Variants in TENM2 observed in about 807,000 individuals in gnomAD.
TENM2 encodes the protein teneurin transmembrane protein 2, also known as teneurin-2.
Under a neutral mutation model 245.2 loss-of-function variants are expected in TENM2, and 52 were observed. The observed-to-expected ratio is 0.21, with a 90% CI of 0.17 to 0.27. The LOEUF (loss-of-function observed/expected upper bound fraction) is 0.27, where lower values mean the gene tolerates loss of function less well. TENM2 is among the 10% of genes least tolerant of loss of function. The pLI, the probability that TENM2 is intolerant of heterozygous loss-of-function variation, is 1.00. For synonymous variants in TENM2, 1,363 were observed against 1,438.9 expected (o/e 0.95, Z 1.19); for missense variants, 3,046 against 3,666.8 (o/e 0.83, Z 4.37).
the TENM2 span, among the ~76,000 whole-genome samples, chr5:167,242,009 T>A: frequency 1.3e-5 from 2 of 151,996 alleles, no homozygotes; most frequent in Non-Finnish European, 2.9e-5. Flanking sequence ...CTTGTTTTTT[T>A]TGTTTAGGTT....
chr5:167,706,807 G>A (rs1341822753), intron 2 of TENM2, among the ~76,000 whole-genome samples: 1 of 151,814 alleles, frequency 6.6e-6, no homozygotes, highest in Non-Finnish European at 1.5e-5. Flanking sequence ...GAGGTCAGGA[G>A]ATCAAGACCA....
rs370436929 is a variant in TENM2, at chr5:168,247,652, G to C, written c.6713G>C (p.Gly2238Ala). 1.2e-6 allele frequency: 2 copies of C among 1,613,756 alleles called. No homozygotes were observed. The highest frequency in any genetic ancestry group is 1.7e-6 in the Non-Finnish European group (2 of 1,179,902). Residue 2238 changes from glycine to alanine, a missense_variant, in exon 27 of 29, where the codon GGC (glycine) becomes GCC (alanine). By Grantham distance (60) the Gly-to-Ala change is moderately conservative. This residue lies in a region of TENM2 where 2,704 missense variants were observed against 3,331.9 expected (regional missense o/e 0.81). Coordinates refer to ENST00000518659, the Ensembl canonical transcript of TENM2. This position sits in a 1 kb window ranked among gnomAD's most constrained non-coding sequence, Gnocchi z 7.8. ...GGGAATCTCCACTTACTGAACCCAG[G>C]CAACAGTGTGCGCCTCATGCCCTTG...
At chr5:168,141,838 CTTCA>C (rs1755576417) in intron 12 of TENM2, among the ~76,000 whole-genome samples, 1 of 152,174 alleles carries the variant, frequency 6.6e-6, no homozygotes, top group African/African-American at 2.4e-5. Context: ...TTCTCTGTAT[CTTCA>C]TTCATCATGC....
intron 2 of TENM2, among the ~76,000 whole-genome samples, chr5:167,804,749 G>A (rs915375810): frequency 2.6e-5 from 4 of 151,990 alleles, no homozygotes; most frequent in South Asian, 2.1e-4. Context: ...AATGAATCAC[G>A]GCATGGCGAT....
chr5:168,262,987 C>T lies in TENM2; in HGVS notation c.*177C>T, dbSNP rs1469566474. On this transcript the variant is annotated 3_prime_UTR_variant, in exon 29 of 29. Transcript: ENST00000518659. ...ATGCTACTGTCCAAGCGAGAAGTCC[C>T]TCATCCTGAAGTAGACTAAAGCCCG... The T allele has an allele frequency of 5.1e-6, 3 of 593,760 alleles. No homozygotes were observed. In the African/African-American group the frequency reaches 5.6e-5, roughly 11 times the overall value. The allele number at this position is 593,760 out of a possible 1,614,324, so 36.8% of individuals were successfully genotyped here. A position where few individuals can be genotyped will look rare whatever the true frequency, so the allele number is the denominator to read the frequency against.
chr5:167,230,721 G>A, the TENM2 span, among the ~76,000 whole-genome samples: 2 of 151,992 alleles, frequency 1.3e-5, no homozygotes, highest in Non-Finnish European at 2.9e-5. Context: ...AAGCCAGGAT[G>A]GAGATCTACC....
chr5:167,011,894 TAA>T, the TENM2 span, among the ~76,000 whole-genome samples: 1 of 152,212 alleles, frequency 6.6e-6, no homozygotes, highest in African/African-American at 2.4e-5. Context: ...TATTGACTTG[TAA>T]AAGTGCATTG....
At chr5:167,876,587 G>A (rs1773445009) in intron 3 of TENM2, among the ~76,000 whole-genome samples, 2 of 151,758 alleles carry the variant, frequency 1.3e-5, no homozygotes, top group South Asian at 4.2e-4. Flanking sequence ...CAGATCCCTG[G>A]TTTGTTTTTT....
intron 2 of TENM2, among the ~76,000 whole-genome samples, chr5:167,428,854 C>T (rs1236946787): frequency 6.6e-6 from 1 of 152,114 alleles, no homozygotes; most frequent in African/African-American, 2.4e-5. Flanking sequence ...GTGGTCAGGG[C>T]CTTACACAAG....
At chr5:167,564,808 C>G (rs1773804044) in intron 2 of TENM2, among the ~76,000 whole-genome samples, 1 of 152,126 alleles carries the variant, frequency 6.6e-6, no homozygotes, top group Admixed American at 6.5e-5. Flanking sequence ...TGGCATTCTT[C>G]CAGCAGGGCA....
intron 2 of TENM2, among the ~76,000 whole-genome samples, chr5:167,479,759 T>A (rs961750878): frequency 7.9e-5 from 12 of 152,198 alleles, no homozygotes; most frequent in African/African-American, 2.7e-4. Context: ...GAAGCCATCA[T>A]TGCAAGTTCA....
At chr5:167,052,844 G>A in the TENM2 span, among the ~76,000 whole-genome samples, 2 of 150,056 alleles carry the variant, frequency 1.3e-5, no homozygotes, top group African/African-American at 2.5e-5. Flanking sequence ...ACTTCTTCTC[G>A]TATCCAATCA....
At chr5:167,351,039 G>GAT (rs554410960) in intron 1 of TENM2, among the ~76,000 whole-genome samples, 1 of 26,330 alleles carries the variant, frequency 3.8e-5, no homozygotes, top group East Asian at 1.3e-3. Flanking sequence ...TATACATATG[G>GAT]ATATATATAT....
At chr5:167,016,277 CAAACAAAA>C in the TENM2 span, among the ~76,000 whole-genome samples, 1 of 82,178 alleles carries the variant, frequency 1.2e-5, no homozygotes, top group African/African-American at 4.2e-5. Flanking sequence ...AACAAACAAA[CAAACAAAA>C]AAAAAAAAAA....
the TENM2 span, among the ~76,000 whole-genome samples, chr5:167,117,805 T>G: frequency 3.3e-5 from 5 of 152,018 alleles, no homozygotes; most frequent in South Asian, 8.3e-4. Context: ...ACCCACTAGA[T>G]GTCAGGATCA....
intron 2 of TENM2, among the ~76,000 whole-genome samples, chr5:167,833,204 T>C (rs566978251): frequency 1.3e-5 from 2 of 152,302 alleles, no homozygotes; most frequent in East Asian, 3.9e-4. Context: ...CATCCATCAA[T>C]TTTATAATGA....
intron 3 of TENM2, among the ~76,000 whole-genome samples, chr5:167,891,222 T>A (rs1561902446): frequency 2.0e-5 from 3 of 152,236 alleles, no homozygotes; most frequent in African/African-American, 7.2e-5. Context: ...CCAAGTACAG[T>A]TGTAACTGCT....
At chr5:167,347,331 A>G (rs1758524378) in intron 1 of TENM2, among the ~76,000 whole-genome samples, 1 of 152,172 alleles carries the variant, frequency 6.6e-6, no homozygotes, top group East Asian at 1.9e-4. Flanking sequence ...CTCTGAAAAG[A>G]TAGTCCAGAC....
chr5:167,454,791 G>A (rs539747328), intron 2 of TENM2, among the ~76,000 whole-genome samples: 56 of 152,208 alleles, frequency 3.7e-4, no homozygotes, highest in Middle Eastern at 3.4e-3. Flanking sequence ...GGACTCCTAC[G>A]GGCTTGGTTT....
Sources: gnomAD v4.1 joint callset for allele counts (sites outside exome capture counted in the v4.1 genomes callset) on GRCh38, gnomAD v4.1.1 for gene constraint, gnomAD v4.1.1 regional missense constraint, Gnocchi (gnomAD v3.1) non-coding constraint, MANE v1.5 for transcripts, NCBI Gene and HGNC (gene_info 2026-07-23, HGNC 2026-07-21) for gene names.